Variants in DOCK5 observed in about 807,000 individuals in gnomAD.
The protein encoded by DOCK5 is dedicator of cytokinesis 5, also known as dedicator of cytokinesis protein 5.
DOCK5 carries 142 observed loss-of-function variants against 251.8 expected under a neutral mutation model. The ratio of observed to expected loss-of-function variants is 0.56; its 90% CI spans 0.49 to 0.65. The LOEUF is 0.65. Among genes scored for constraint, DOCK5 ranks in the 30% least tolerant of loss-of-function variants. The pLI is 0.00. For missense variants in DOCK5, 2,111 were observed against 2,312.3 expected, an observed-to-expected ratio of 0.91 and a Z score of 1.79; for synonymous variants, 842 against 835.5, an observed-to-expected ratio of 1.01 and a Z score of -0.13.
chr8:25,299,031 G>T lies in DOCK5; in HGVS notation c.694G>T (p.Val232Phe). 6.2e-7 allele frequency: 1 copy of T among 1,613,840 alleles called. No individual in the cohort carries two copies. Among genetic ancestry groups the T allele is most frequent in the South Asian group, 1.1e-5 (1 of 91,074 alleles). The change falls in exon 8 of 52, where the codon GTC (valine) becomes TTC (phenylalanine). Residue 232 changes from valine (V) to phenylalanine (F), a missense_variant. Val to Phe is a conservative substitution (Grantham distance 50, BLOSUM62 -1). Coordinates refer to ENST00000276440, the MANE Select transcript of DOCK5 (RefSeq NM_024940.8). ...YGLYVNFKNFVCNIGEDAELF... is the reference protein window; with the variant it reads ...YGLYVNFKNFFCNIGEDAELF... Reference sequence around the variant, plus strand: ...CCTCTATGTGAACTTCAAGAACTTTGTCTGCAACATCGGGGAAGATGCAGA... The same window carrying T: ...CCTCTATGTGAACTTCAAGAACTTTTTCTGCAACATCGGGGAAGATGCAGA...
chr8:25,326,306 C>A (rs1312699119), intron 18 of DOCK5, among the ~76,000 whole-genome samples: 1 of 152,096 alleles, frequency 6.6e-6, no homozygotes, highest in Non-Finnish European at 1.5e-5. Context: ...GAGGTACAGG[C>A]AAGAGCTCTG....
chr8:25,184,900 G>T lies in DOCK5; in HGVS notation c.-9G>T. On this transcript the variant is annotated 5_prime_UTR_variant, in exon 1 of 52. Transcript: ENST00000276440. ...TTAGTCGCCGCCGCCGCGGGGCGAGGTCGCCGCCATGGCCCGCTGGATCCC... is the reference window on the plus strand; with the variant it reads ...TTAGTCGCCGCCGCCGCGGGGCGAGTTCGCCGCCATGGCCCGCTGGATCCC... The T allele has an allele frequency of 1.4e-6, 2 of 1,410,480 alleles. No homozygotes were observed. Among genetic ancestry groups the T allele is most frequent in the Non-Finnish European group, 1.9e-6 (2 of 1,073,842 alleles). 87.4% of individuals were successfully genotyped at this position (1,410,480 alleles called of 1,614,324 possible). A position where few individuals can be genotyped will look rare whatever the true frequency, so the allele number is the denominator to read the frequency against.
At position 25,363,034 on chromosome 8, in the gene DOCK5, C is replaced by G. The variant is rs762179083; in HGVS notation, c.2950-13C>G. The G allele has an allele frequency of 4.3e-6, 7 of 1,610,806 alleles. No homozygotes were observed. The highest frequency in any genetic ancestry group is 1.7e-6 in the Non-Finnish European group (2 of 1,177,154). ...ACCCAGTTTTCCCCCAACCACTCCTCTGTTCTCCGCAGGACTTCCTCATGG... is the reference window on the plus strand; with the variant it reads ...ACCCAGTTTTCCCCCAACCACTCCTGTGTTCTCCGCAGGACTTCCTCATGG... On this transcript the variant is annotated splice_polypyrimidine_tract_variant and intron_variant, in intron 28 of 51. Transcript: ENST00000276440.
intron 1 of DOCK5, among the ~76,000 whole-genome samples, chr8:25,203,473 C>T (rs903216867): frequency 8.5e-5 from 13 of 152,312 alleles, no homozygotes; most frequent in African/African-American, 3.1e-4. Flanking sequence ...GTGATCTAAG[C>T]CAAGAGCCTT....
intron 1 of DOCK5, among the ~76,000 whole-genome samples, chr8:25,241,875 C>A (rs111277803): frequency 0.017 from 2,631 of 152,130 alleles, 91 homozygotes; most frequent in African/African-American, 0.06. Flanking sequence ...AAGCTGGAAA[C>A]CATCATTCTC....
chr8:25,271,180 T>A, intron 3 of DOCK5: 1 of 202,200 alleles, frequency 4.9e-6, no homozygotes, highest in Non-Finnish European at 9.9e-6. Flanking sequence ...TTTAAATTTT[T>A]TTGTGTTCAT....
intron 45 of DOCK5, among the ~76,000 whole-genome samples, chr8:25,398,989 G>A (rs1381432556): frequency 6.6e-6 from 1 of 152,154 alleles, no homozygotes; most frequent in East Asian, 1.9e-4. Flanking sequence ...TGTAGTTCCA[G>A]GAGCTCTTGG....
chr8:25,235,337 T>C (rs1802768216), intron 1 of DOCK5, among the ~76,000 whole-genome samples: 1 of 152,146 alleles, frequency 6.6e-6, no homozygotes, highest in South Asian at 2.1e-4. Context: ...CTCAGCTCAC[T>C]GAAGCCTCAA....
intron 1 of DOCK5, among the ~76,000 whole-genome samples, chr8:25,214,213 A>T (rs1426304149): frequency 2.6e-5 from 4 of 152,174 alleles, no homozygotes; most frequent in Non-Finnish European, 4.4e-5. Flanking sequence ...CTCAGCCCTT[A>T]GCAGGTTCTG....
chr8:25,391,670 A>C (rs1004496352), intron 42 of DOCK5, among the ~76,000 whole-genome samples: 3 of 152,112 alleles, frequency 2.0e-5, no homozygotes, highest in Non-Finnish European at 4.4e-5. Context: ...TAAATAAATA[A>C]AATTGTGTGC....
At position 25,391,936 on chromosome 8, in the gene DOCK5, C is replaced by T. The variant is rs578017587; in HGVS notation, c.4396C>T (p.Arg1466Trp). Residue 1466 changes from arginine (R) to tryptophan (W), a missense_variant, in exon 43 of 52, where the codon CGG becomes TGG. Physicochemically the swap from Arg to Trp is moderately radical, Grantham distance 101. This residue lies in a region of DOCK5 where 1,717 missense variants were observed against 1,892.4 expected (regional missense o/e 0.91). Transcript: ENST00000276440. ...ANEVQQFRYS[R>W]PFRKGEKDPD... ...TGAAGTGCAGCAGTTCAGATACTCC[C>T]GGCCGTTCCGGAAAGGAGAAAAGGA... The T allele has an allele frequency of 1.2e-5, 19 of 1,613,870 alleles. No homozygotes were observed. The highest frequency in any genetic ancestry group is 4.5e-5 in the East Asian group (2 of 44,852).
At position 25,328,089 on chromosome 8, in the gene DOCK5, T is replaced by C. The variant is rs190493099; in HGVS notation, c.1903+2542T>C. On this transcript the variant is annotated intron_variant, in intron 18 of 51. Transcript: ENST00000276440. ...TAGTCGCATTTCAAGCATTCTGGTC[T>C]TCTGCAGCTGGTGAGTTTTGTGTTG... Among the ~76,000 whole-genome samples, 561 of 152,238 alleles carry C rather than the reference T, an allele frequency of 3.7e-3. 2 individuals carry two copies. Among genetic ancestry groups the C allele is most frequent in the Admixed American group, 7.4e-3 (113 of 15,282 alleles).
At chr8:25,201,987 A>G (rs1226608954) in intron 1 of DOCK5, among the ~76,000 whole-genome samples, 6 of 152,064 alleles carry the variant, frequency 3.9e-5, no homozygotes, top group African/African-American at 7.2e-5. Flanking sequence ...TCTTGCAAGA[A>G]TCTTCCTGGG....
chr8:25,358,052 GA>G (rs1278000232), intron 27 of DOCK5, among the ~76,000 whole-genome samples: 1 of 152,138 alleles, frequency 6.6e-6, no homozygotes, highest in Non-Finnish European at 1.5e-5. Context: ...TAGTATGTTG[GA>G]ACAACTGGCT....
At chr8:25,366,026 C>A (rs1317925547) in intron 30 of DOCK5, among the ~76,000 whole-genome samples, 1 of 152,158 alleles carries the variant, frequency 6.6e-6, no homozygotes, top group African/African-American at 2.4e-5. Context: ...GATCTGTGAT[C>A]TTTTCAATAA....
chr8:25,332,529 G>C (rs1805706708), intron 19 of DOCK5, 74 bp from the exon 20 acceptor site: 5 of 1,344,742 alleles, frequency 3.7e-6, no homozygotes, highest in Non-Finnish European at 5.1e-6. Flanking sequence ...ATTTAAACTA[G>C]TTGTACCCAG....
At chr8:25,294,764 C>T (rs568065820) in intron 6 of DOCK5, among the ~76,000 whole-genome samples, 15 of 152,244 alleles carry the variant, frequency 9.9e-5, no homozygotes, top group African/African-American at 3.6e-4. Flanking sequence ...GCTGTACAGG[C>T]AGCATACCAG....
At chr8:25,227,398 A>T (rs1018809078) in intron 1 of DOCK5, among the ~76,000 whole-genome samples, 1 of 152,170 alleles carries the variant, frequency 6.6e-6, no homozygotes, top group African/African-American at 2.4e-5. Flanking sequence ...ATAGCCAATT[A>T]TACCCATGCT....
chr8:25,355,609 C>A, intron 27 of DOCK5, among the ~76,000 whole-genome samples: 1 of 151,992 alleles, frequency 6.6e-6, no homozygotes, highest in Admixed American at 6.6e-5. Context: ...GCCCTGACAC[C>A]CAGCTAATTT....
Sources: allele counts gnomAD v4.1 joint callset (sites outside exome capture counted in the v4.1 genomes callset), GRCh38; gene constraint gnomAD v4.1.1; regional missense constraint gnomAD v4.1.1; transcripts MANE v1.5; gene names NCBI Gene and HGNC (gene_info 2026-07-23, HGNC 2026-07-21).